Variants in C9orf43 observed in about 807,000 individuals in gnomAD.
C9orf43 encodes the protein chromosome 9 open reading frame 43.
Under a neutral mutation model 59.1 loss-of-function variants are expected in C9orf43, and 45 were observed. The observed-to-expected ratio is 0.76, with a 90% CI of 0.60 to 0.98. C9orf43 has a LOEUF of 0.98. Among genes scored for constraint, C9orf43 ranks in the 50% least tolerant of loss-of-function variants. The probability of loss-of-function intolerance (pLI) is 0.00; values close to 1 mark genes in which losing one functional copy is unlikely to be tolerated. For missense variants in C9orf43, 533 were observed against 554.9 expected (o/e 0.96, Z 0.40); for synonymous variants, 203 against 196.8 (o/e 1.03, Z -0.26).
At chr9:113,419,983 C>T (rs1015565438) in intron 4 of C9orf43, among the ~76,000 whole-genome samples, 2 of 151,832 alleles carry the variant, frequency 1.3e-5, no homozygotes, top group Admixed American at 6.6e-5. Flanking sequence ...TGTAGTGGAG[C>T]GTATAAGGAA....
chr9:113,429,171 G>C lies in C9orf43; in HGVS notation c.1172-1G>C, dbSNP rs947298357. The C allele has an allele frequency of 3.1e-6, 5 of 1,613,666 alleles. No homozygotes were observed. The South Asian group carries it at 5.5e-5, about 18-fold the overall frequency. ...CAATTAATGACTGCATCTTCTTTTA[G>C]GTCCTGAATTGTATGAAACAGAACC... On this transcript the variant is annotated splice_acceptor_variant, in intron 13 of 13. Coordinates refer to ENST00000374165, the MANE Select transcript of C9orf43 (RefSeq NM_001278629.2). LOFTEE classifies it high-confidence loss of function.
At position 113,427,350 on chromosome 9, in the gene C9orf43, T is replaced by C. The variant is rs552916053; in HGVS notation, c.1031-797T>C. Among the ~76,000 whole-genome samples the C allele has an allele frequency of 8.3e-4, 127 of 152,276 alleles. 1 individual carries two copies. The highest frequency in any genetic ancestry group is 1.0e-3 in the Non-Finnish European group (68 of 68,024). ...ACCACCACGCCTGGCTAAGATTTTG[T>C]ATTTTTAGTAGAAACGGGGTTTCTC... On this transcript the variant is annotated intron_variant, in intron 11 of 13. Coordinates refer to ENST00000374165, the MANE Select transcript of C9orf43 (RefSeq NM_001278629.2).
intron 5 of C9orf43, 137 bp downstream of exon 5, chr9:113,421,340 G>A: frequency 1.6e-6 from 1 of 625,100 alleles, no homozygotes; most frequent in South Asian, 2.0e-5. Flanking sequence ...GTCGTGGTCT[G>A]TTGCATCTGC....
At chr9:113,421,067 C>T in intron 4 of C9orf43, 36 bp from the exon 5 acceptor site, 1 of 1,512,864 alleles carries the variant, frequency 6.6e-7, no homozygotes, top group Middle Eastern at 1.7e-4. Context: ...AGCTTAGCAC[C>T]TCAAGCCATA....
Position 113,411,011 on chromosome 9 carries a change from CTG to C in C9orf43, c.-50+11_-50+12del, listed in dbSNP as rs1828116721. 2 of 985,312 alleles carry C rather than the reference CTG, an allele frequency of 2.0e-6. No individual in the cohort carries two copies. Among genetic ancestry groups the C allele is most frequent in the Non-Finnish European group, 2.4e-6 (2 of 829,964 alleles). 61.0% of individuals were successfully genotyped at this position (985,312 alleles called of 1,614,324 possible). On this transcript the variant is annotated intron_variant, in intron 1 of 13. Coordinates refer to ENST00000374165, the MANE Select transcript of C9orf43 (RefSeq NM_001278629.2). Reference sequence around the variant, plus strand: ...CGCTTTTGTAATAATGGTACTAAGACTGAGTGTTATTTAGATTTTATTGTTGT... The same window carrying C: ...CGCTTTTGTAATAATGGTACTAAGACAGTGTTATTTAGATTTTATTGTTGT...
intron 1 of C9orf43, among the ~76,000 whole-genome samples, chr9:113,412,944 A>G (rs1828223956): frequency 6.6e-6 from 1 of 152,256 alleles, no homozygotes; most frequent in South Asian, 2.1e-4. Flanking sequence ...ACATTGAAAA[A>G]TGAAACATGT....
intron 5 of C9orf43, 78 bp from the exon 6 acceptor site, chr9:113,422,471 G>A: frequency 6.4e-7 from 1 of 1,565,508 alleles, no homozygotes; most frequent in Non-Finnish European, 8.7e-7. Flanking sequence ...AAGATATCTG[G>A]GAATAAGTTG....
intron 6 of C9orf43, 46 bp downstream of exon 6, chr9:113,422,631 G>A (rs1206936687): frequency 6.2e-7 from 1 of 1,605,516 alleles, no homozygotes; most frequent in Non-Finnish European, 8.5e-7. Flanking sequence ...TTGCTATGTA[G>A]AGTTTATTTT....
intron 7 of C9orf43, among the ~76,000 whole-genome samples, 159 bp from the exon 8 acceptor site, chr9:113,424,007 G>A (rs745836714): frequency 2.6e-5 from 4 of 152,182 alleles, no homozygotes; most frequent in Non-Finnish European, 4.4e-5. Context: ...GATGATCGTA[G>A]TTGCATCAGA....
chr9:113,422,663 C>T, intron 6 of C9orf43, 78 bp downstream of exon 6: 3 of 1,512,844 alleles, frequency 2.0e-6, no homozygotes, highest in Admixed American at 1.8e-5. Context: ...AGGTCTCCTC[C>T]ACCTTACCCC....
intron 9 of C9orf43, 60 bp from the exon 10 acceptor site, chr9:113,425,284 C>CA (rs1828744704): frequency 6.2e-7 from 1 of 1,605,568 alleles, no homozygotes; most frequent in Non-Finnish European, 8.5e-7. Flanking sequence ...GCACAGCAGG[C>CA]ATTCCAGTGG....
intron 4 of C9orf43, among the ~76,000 whole-genome samples, chr9:113,420,173 A>G (rs1588107245): frequency 6.6e-6 from 1 of 152,132 alleles, no homozygotes; most frequent in Non-Finnish European, 1.5e-5. Context: ...GGCTCATTGT[A>G]GCCTCAAACT....
intron 11 of C9orf43, among the ~76,000 whole-genome samples, chr9:113,427,428 C>T (rs955804137): frequency 4.6e-5 from 7 of 152,200 alleles, no homozygotes; most frequent in East Asian, 1.9e-4. Flanking sequence ...CTGCCCGCCT[C>T]GGCCTCCCAA....
Position 113,419,069 on chromosome 9 carries a change from T to G in C9orf43, c.288-39T>G, listed in dbSNP as rs749116579. 12 of 1,542,784 alleles carry G rather than the reference T, an allele frequency of 7.8e-6. No individual in the cohort carries two copies. In the Admixed American group the frequency reaches 2.0e-4, roughly 25 times the overall value. On this transcript the variant is annotated intron_variant, in intron 3 of 13. Coordinates refer to ENST00000374165, the MANE Select transcript of C9orf43 (RefSeq NM_001278629.2). Reference sequence around the variant, plus strand: ...ACTAACGTTATCATTCCAATAAGTCTTTTGTATTTCTGTTTTATGTGTGGA... The same window carrying G: ...ACTAACGTTATCATTCCAATAAGTCGTTTGTATTTCTGTTTTATGTGTGGA...
In C9orf43 at chr9:113,428,968, G is replaced by C. The variant is rs753840737; in HGVS notation, c.1171+5G>C. ...ATTTCCACCACAGTGTAAAAAGTAA[G>C]TTACTAGAGTAGAGGAACCTTAGTA... On this transcript the variant is annotated splice_donor_5th_base_variant and intron_variant, in intron 13 of 13. Transcript: ENST00000374165. 6.2e-7 allele frequency: 1 copy of C among 1,611,852 alleles called. No individual in the cohort carries two copies. The highest frequency in any genetic ancestry group is 8.5e-7 in the Non-Finnish European group (1 of 1,178,002).
At chr9:113,426,922 T>G (rs1219489822) in intron 11 of C9orf43, among the ~76,000 whole-genome samples, 1 of 151,914 alleles carries the variant, frequency 6.6e-6, no homozygotes, top group Non-Finnish European at 1.5e-5. Flanking sequence ...TGTGTGGGAG[T>G]TTTCCTGATA....
At chr9:113,426,458 C>G (rs1226427439) in intron 11 of C9orf43, among the ~76,000 whole-genome samples, 2 of 152,200 alleles carry the variant, frequency 1.3e-5, no homozygotes, top group African/African-American at 4.8e-5. Context: ...TCAGACTGGA[C>G]ATTGCTGACT....
chr9:113,413,624 A>G lies in C9orf43; in HGVS notation c.131A>G (p.Lys44Arg). 6.2e-7 allele frequency: 1 copy of G among 1,614,184 alleles called. No individual in the cohort carries two copies. The highest frequency in any genetic ancestry group is 1.1e-5 in the South Asian group (1 of 91,084). ...GHPRILGSSCKTPLDAEDKLP... is the reference protein window; with the variant it reads ...GHPRILGSSCRTPLDAEDKLP... Reference sequence around the variant, plus strand: ...CCTCGAATCCTCGGCTCATCCTGCAAAACTCCCCTGGATGCTGAAGGTGAA... The same window carrying G: ...CCTCGAATCCTCGGCTCATCCTGCAGAACTCCCCTGGATGCTGAAGGTGAA... The change falls in exon 2 of 14, where the codon AAA becomes AGA. Residue 44 changes from lysine (K) to arginine (R), a missense_variant. Lys to Arg is a conservative substitution (Grantham distance 26). Transcript: ENST00000374165.
In C9orf43 at chr9:113,413,448, A is replaced by C; in HGVS notation, c.-46A>C. On this transcript the variant is annotated 5_prime_UTR_variant, in exon 2 of 14. Coordinates refer to ENST00000374165, the MANE Select transcript of C9orf43 (RefSeq NM_001278629.2). ...TATGTAGCTGTTGATTTTCCAGAGC[A>C]CTAGAATGCTGCAGGGTTGGCCTTT... is the stretch of plus-strand genomic sequence containing the variant. The C allele has an allele frequency of 1.3e-6, 2 of 1,587,602 alleles. No individual in the cohort carries two copies. Among genetic ancestry groups the C allele is most frequent in the East Asian group, 2.3e-5 (1 of 44,266 alleles).
Sources: allele counts gnomAD v4.1 joint callset (sites outside exome capture counted in the v4.1 genomes callset), GRCh38; gene constraint gnomAD v4.1.1; transcripts MANE v1.5; gene names NCBI Gene and HGNC (gene_info 2026-07-23, HGNC 2026-07-21).